The following LARGE1 variants were observed in gnomAD, a reference collection of about 807,000 sequenced individuals.
LARGE1 encodes xylosyl- and glucuronyltransferase LARGE1.
In LARGE1, 43 loss-of-function variants were observed where a neutral mutation model predicts 87.6. That is an observed-to-expected ratio of 0.49 (90% CI 0.38 to 0.63). The LOEUF is 0.63. Ranked by LOEUF, LARGE1 falls within the 30% of genes least tolerant of loss-of-function variation. The probability of loss-of-function intolerance (pLI) is 0.00; values close to 1 mark genes in which losing one functional copy is unlikely to be tolerated. For missense variants in LARGE1, 802 were observed against 1,000.2 expected, an observed-to-expected ratio of 0.80 and a Z score of 2.67; for synonymous variants, 434 against 394.6, an observed-to-expected ratio of 1.10 and a Z score of -1.18.
chr22:33,605,354 G>A (rs1404282007), intron 4 of LARGE1, among the ~76,000 whole-genome samples: 1 of 152,196 alleles, frequency 6.6e-6, no homozygotes, highest in Non-Finnish European at 1.5e-5. Flanking sequence ...GGCAGCACCC[G>A]AAATACCAAG....
intron 1 of LARGE1, among the ~76,000 whole-genome samples, chr22:33,907,383 G>A (rs150319787): frequency 2.6e-5 from 4 of 152,200 alleles, no homozygotes; most frequent in East Asian, 3.9e-4. Context: ...AAATTTATTC[G>A]ATCCTCCCTA....
intron 2 of LARGE1, among the ~76,000 whole-genome samples, chr22:33,739,804 C>T (rs569085372): frequency 3.9e-5 from 6 of 152,248 alleles, no homozygotes; most frequent in East Asian, 3.9e-4. Flanking sequence ...GCAGTTTAAT[C>T]GCTGCTATTA....
chr22:33,650,984 A>G (rs943228999), intron 2 of LARGE1, among the ~76,000 whole-genome samples: 6 of 151,934 alleles, frequency 3.9e-5, no homozygotes, highest in South Asian at 2.1e-4. Context: ...TCTTAACAAT[A>G]AAGAATTATG....
intron 9 of LARGE1, among the ~76,000 whole-genome samples, chr22:33,343,554 C>T (rs956686364): frequency 6.6e-6 from 1 of 152,052 alleles, no homozygotes; most frequent in Non-Finnish European, 1.5e-5. Flanking sequence ...CTCACGTTTC[C>T]TCAGTAGCCC....
intron 1 of LARGE1, among the ~76,000 whole-genome samples, chr22:33,789,815 T>C (rs981551848): frequency 5.3e-5 from 8 of 152,260 alleles, no homozygotes; most frequent in Non-Finnish European, 8.8e-5. Context: ...CCAAGCCCTG[T>C]ACTCCCATTG....
intron 3 of LARGE1, among the ~76,000 whole-genome samples, 171 bp from the exon 4 acceptor site, chr22:33,626,497 C>T (rs1403866183): frequency 6.6e-6 from 1 of 152,118 alleles, no homozygotes; most frequent in Non-Finnish European, 1.5e-5. Flanking sequence ...TTTATTAAGG[C>T]CTTTTTAATC....
At chr22:33,675,659 G>A (rs765324876) in intron 2 of LARGE1, among the ~76,000 whole-genome samples, 23 of 152,164 alleles carry the variant, frequency 1.5e-4, no homozygotes, top group Non-Finnish European at 2.2e-4. Flanking sequence ...CTGGTTCAAG[G>A]AAGTTCTATT....
At chr22:33,346,992 A>C (rs1225158040) in intron 9 of LARGE1, among the ~76,000 whole-genome samples, 4 of 152,208 alleles carry the variant, frequency 2.6e-5, no homozygotes, top group Non-Finnish European at 5.9e-5. Context: ...AGATGTGATG[A>C]CTAGAACCAT....
chr22:33,157,364 T>C (rs548648949), downstream of LARGE1, among the ~76,000 whole-genome samples: 1 of 152,240 alleles, frequency 6.6e-6, no homozygotes, highest in East Asian at 1.9e-4. Context: ...TGGTATCCCA[T>C]GCTTAAAAAC....
chr22:33,401,605 C>G (rs911565519), intron 7 of LARGE1, among the ~76,000 whole-genome samples: 2 of 152,188 alleles, frequency 1.3e-5, no homozygotes, highest in Admixed American at 6.5e-5. Flanking sequence ...CATGAAGAGG[C>G]TCTGCAGTGC....
chr22:33,797,507 G>A (rs566172511), intron 1 of LARGE1, among the ~76,000 whole-genome samples: 8 of 152,304 alleles, frequency 5.3e-5, no homozygotes, highest in East Asian at 3.9e-4. Context: ...CAATGGGCAT[G>A]AGCCAGAGTT....
chr22:33,741,505 A>C (rs1309142683), intron 2 of LARGE1, among the ~76,000 whole-genome samples: 1 of 152,226 alleles, frequency 6.6e-6, no homozygotes, highest in Non-Finnish European at 1.5e-5. Flanking sequence ...TTTCTGGTGG[A>C]GGGAGCTGAG....
At chr22:33,223,396 T>G (rs1188473413) in intron 11 of LARGE1, among the ~76,000 whole-genome samples, 1 of 152,210 alleles carries the variant, frequency 6.6e-6, no homozygotes, top group African/African-American at 2.4e-5. Context: ...GCACCTTTTC[T>G]TCAAGATACT....
At chr22:33,469,106 G>C (rs2068729046) in intron 6 of LARGE1, among the ~76,000 whole-genome samples, 1 of 152,216 alleles carries the variant, frequency 6.6e-6, no homozygotes, top group South Asian at 2.1e-4. Context: ...AATTAGTTCA[G>C]CCACTGTGGA....
At chr22:33,339,120 C>T (rs1260270519) in intron 9 of LARGE1, among the ~76,000 whole-genome samples, 1 of 147,976 alleles carries the variant, frequency 6.8e-6, no homozygotes, top group Non-Finnish European at 1.5e-5. Flanking sequence ...TGCACTCCAG[C>T]CTGGGCAACA....
intron 1 of LARGE1, among the ~76,000 whole-genome samples, chr22:33,816,189 G>A (rs1831503740): frequency 6.6e-6 from 1 of 152,178 alleles, no homozygotes; most frequent in Non-Finnish European, 1.5e-5. Flanking sequence ...ATTCATCCAT[G>A]AACAGGGCAG....
intron 3 of LARGE1, among the ~76,000 whole-genome samples, chr22:33,634,850 C>T (rs1294593233): frequency 1.3e-3 from 1 of 788 alleles, no homozygotes; most frequent in African/African-American, 5.3e-3. Context: ...GAATCCCGGG[C>T]CAAGCATGGT....
At chr22:33,503,255 T>TG (rs2070578280) in intron 6 of LARGE1, among the ~76,000 whole-genome samples, 3 of 149,646 alleles carry the variant, frequency 2.0e-5, no homozygotes, top group Non-Finnish European at 1.5e-5. Context: ...TTTTTTTTTT[T>TG]TTTGTTTTTT....
intron 1 of LARGE1, among the ~76,000 whole-genome samples, chr22:33,781,947 A>G (rs2085435401): frequency 6.6e-6 from 1 of 151,406 alleles, no homozygotes; most frequent in Admixed American, 6.6e-5. Context: ...GTGTATATAC[A>G]TATATATATA....
Sources: gnomAD v4.1 joint callset for allele counts (sites outside exome capture counted in the v4.1 genomes callset) on GRCh38, gnomAD v4.1.1 for gene constraint, MANE v1.5 for transcripts, NCBI Gene and HGNC (gene_info 2026-07-23, HGNC 2026-07-21) for gene names.